The following RPH3A variants were observed in gnomAD, a reference collection of about 807,000 sequenced individuals.
The protein encoded by RPH3A is rabphilin-3A.
A neutral mutation model predicts 102.2 loss-of-function variants in RPH3A; 48 were observed. The ratio of observed to expected loss-of-function variants is 0.47; its 90% CI spans 0.37 to 0.60. The LOEUF is 0.60. RPH3A is among the 20% of genes least tolerant of loss of function. RPH3A has a pLI of 0.00. For missense variants in RPH3A, 781 were observed against 910.1 expected, an observed-to-expected ratio of 0.86 and a Z score of 1.83; for synonymous variants, 310 against 324.3, an observed-to-expected ratio of 0.96 and a Z score of 0.47.
intron 1 of RPH3A, among the ~76,000 whole-genome samples, chr12:112,627,083 T>G (rs2135983689): frequency 8.6e-6 from 1 of 116,364 alleles, no homozygotes; most frequent in South Asian, 3.6e-4. Flanking sequence ...GGGGGAGGGA[T>G]AGCATTGGGA....
chr12:112,769,506 C>T (rs11066408), intron 1 of RPH3A, among the ~76,000 whole-genome samples: 1 of 152,256 alleles, frequency 6.6e-6, no homozygotes, highest in African/African-American at 2.4e-5. Context: ...TCTTAGCTAA[C>T]CTTGTAGAGA....
chr12:112,772,193 A>G (rs1405057912), intron 1 of RPH3A, among the ~76,000 whole-genome samples: 2 of 152,156 alleles, frequency 1.3e-5, no homozygotes, highest in South Asian at 4.1e-4. Context: ...ATGCAAATCC[A>G]TGTCAGTCCC....
At chr12:112,870,078 T>C in intron 10 of RPH3A, 39 bp downstream of exon 10, 1 of 1,572,236 alleles carries the variant, frequency 6.4e-7, no homozygotes, top group East Asian at 2.3e-5. Context: ...GTTCTCTGGA[T>C]AGGGAGACTC....
At chr12:112,603,237 C>A (rs1332856979) in intron 1 of RPH3A, among the ~76,000 whole-genome samples, 1 of 152,156 alleles carries the variant, frequency 6.6e-6, no homozygotes, top group Non-Finnish European at 1.5e-5. Flanking sequence ...GCTGTTTTCT[C>A]AAATATCAAG....
At chr12:112,875,641 C>G in intron 11 of RPH3A, 38 bp from the exon 12 acceptor site, 2 of 1,563,438 alleles carry the variant, frequency 1.3e-6, no homozygotes, top group Non-Finnish European at 1.8e-6. Flanking sequence ...ATGCCACCCT[C>G]TCTGCTGCAT....
intron 1 of RPH3A, among the ~76,000 whole-genome samples, chr12:112,645,732 G>A (rs1296743340): frequency 6.6e-6 from 1 of 152,160 alleles, no homozygotes; most frequent in Non-Finnish European, 1.5e-5. Context: ...ATTGTTCAAA[G>A]ATTGCAATCG....
chr12:112,863,155 C>T (rs2042550244), intron 5 of RPH3A, among the ~76,000 whole-genome samples: 1 of 152,242 alleles, frequency 6.6e-6, no homozygotes, highest in Admixed American at 6.5e-5. Flanking sequence ...CCAGTGGCAT[C>T]ATGTGCCACC....
chr12:112,862,740 G>T lies in RPH3A; in HGVS notation c.231-2674G>T, dbSNP rs1355093969. On this transcript the variant is annotated intron_variant, in intron 5 of 21. Transcript: ENST00000389385. ...CAGGCTGCCTTTGGCTCTTCCCTGG[G>T]CAGGGCAGCACCTCTCTCGAATGGA... Among the ~76,000 whole-genome samples the T allele has an allele frequency of 2.6e-5, 4 of 152,232 alleles. No homozygotes were observed. The East Asian group carries it at 7.7e-4, about 29-fold the overall frequency.
At chr12:112,748,183 C>T (rs1420196046) in intron 1 of RPH3A, among the ~76,000 whole-genome samples, 1 of 152,226 alleles carries the variant, frequency 6.6e-6, no homozygotes, top group African/African-American at 2.4e-5. Flanking sequence ...GGGCAGAGAA[C>T]ATGTCTGTGC....
intron 15 of RPH3A, among the ~76,000 whole-genome samples, chr12:112,882,473 C>A (rs987400516): frequency 6.6e-6 from 1 of 152,210 alleles, no homozygotes; most frequent in Non-Finnish European, 1.5e-5. Context: ...GGCAGTACAT[C>A]TGTCAAATGA....
At chr12:112,617,842 G>A (rs538920754) in intron 1 of RPH3A, 6 of 152,252 alleles carry the variant, frequency 3.9e-5, no homozygotes, top group African/African-American at 1.4e-4. Flanking sequence ...TGGGACCACA[G>A]GTGCGTGCTA....
chr12:112,896,877 C>T lies in RPH3A; in HGVS notation c.*97C>T. The T allele has an allele frequency of 1.5e-6, 2 of 1,378,892 alleles. No individual in the cohort carries two copies. The highest frequency in any genetic ancestry group is 1.3e-5 in the South Asian group (1 of 77,460). 85.4% of individuals were successfully genotyped at this position (1,378,892 alleles called of 1,614,324 possible). On this transcript the variant is annotated 3_prime_UTR_variant, in exon 22 of 22. Coordinates refer to ENST00000389385, the MANE Select transcript of RPH3A (RefSeq NM_001143854.2). ...ATCTCTCTTCTCTATGCCTACCTCCCCCCATACCCTGCTGATCTCCCTGAG... is the reference window on the plus strand; with the variant it reads ...ATCTCTCTTCTCTATGCCTACCTCCTCCCATACCCTGCTGATCTCCCTGAG...
intron 1 of RPH3A, among the ~76,000 whole-genome samples, chr12:112,689,972 G>A (rs934367313): frequency 3.3e-5 from 5 of 152,202 alleles, no homozygotes; most frequent in African/African-American, 1.2e-4. Context: ...CTTTTTAAAA[G>A]AGGAGACTGA....
At chr12:112,739,766 C>T (rs2040695238) in intron 1 of RPH3A, among the ~76,000 whole-genome samples, 1 of 152,188 alleles carries the variant, frequency 6.6e-6, no homozygotes, top group Non-Finnish European at 1.5e-5. Context: ...TGGCTTCCTG[C>T]TGGGTTTGTC....
At chr12:112,640,665 T>C (rs987658843) in intron 1 of RPH3A, among the ~76,000 whole-genome samples, 7 of 152,216 alleles carry the variant, frequency 4.6e-5, no homozygotes, top group Non-Finnish European at 1.0e-4. Flanking sequence ...TCTGAGTGCA[T>C]GGAAGTTCTG....
intron 1 of RPH3A, among the ~76,000 whole-genome samples, chr12:112,694,691 G>GA (rs2040336990): frequency 6.6e-6 from 1 of 151,714 alleles, no homozygotes; most frequent in African/African-American, 2.4e-5. Context: ...CACAGAGAGA[G>GA]AGAGAGAGAG....
At chr12:112,592,185 T>C (rs1198027846) in intron 1 of RPH3A, among the ~76,000 whole-genome samples, 5 of 152,106 alleles carry the variant, frequency 3.3e-5, no homozygotes, top group Non-Finnish European at 7.4e-5. Flanking sequence ...AAGACCAGCC[T>C]GGGTAACATG....
At chr12:112,653,756 T>A (rs1174747512) in intron 1 of RPH3A, among the ~76,000 whole-genome samples, 2 of 152,222 alleles carry the variant, frequency 1.3e-5, no homozygotes, top group African/African-American at 4.8e-5. Context: ...TCTTTAATCT[T>A]TTAAAATTTT....
At position 112,603,903 on chromosome 12, in the gene RPH3A, G is replaced by A. The variant is rs994634106; in HGVS notation, c.-140+28584G>A. Among the ~76,000 whole-genome samples, 7 of 152,302 alleles carry A rather than the reference G, an allele frequency of 4.6e-5. 1 individual carries two copies. Among genetic ancestry groups the A allele is most frequent in the Admixed American group, 1.3e-4 (2 of 15,298 alleles). On this transcript the variant is annotated intron_variant, in intron 1 of 21. Coordinates refer to the RPH3A transcript ENST00000543106. ...CCCCCAGCATACTGCCTAGTTGAAT[G>A]TGTGCTTGTGTGTGTGTTGGTTGGT...
Sources: allele counts gnomAD v4.1 joint callset (sites outside exome capture counted in the v4.1 genomes callset), GRCh38; gene constraint gnomAD v4.1.1; transcripts MANE v1.5; gene names NCBI Gene and HGNC (gene_info 2026-07-23, HGNC 2026-07-21).